GSAP: variants seen among roughly 807,000 people sequenced by gnomAD.
GSAP encodes gamma-secretase-activating protein.
A neutral mutation model predicts 131.7 loss-of-function variants in GSAP; 118 were observed. That is an observed-to-expected ratio of 0.90 (90% confidence interval 0.77 to 1.04). GSAP has a LOEUF of 1.04. Ranked by LOEUF, GSAP falls within the 50% of genes least tolerant of loss-of-function variation. The pLI is 0.00. For missense variants in GSAP, 1,019 were observed against 1,013.2 expected (o/e 1.01, Z -0.08); for synonymous variants, 381 against 363.4 (o/e 1.05, Z -0.55).
chr7:77,399,817 C>A (rs1168656935), intron 3 of GSAP, among the ~76,000 whole-genome samples: 1 of 152,062 alleles, frequency 6.6e-6, no homozygotes, highest in East Asian at 1.9e-4. Context: ...CTCTGAAATG[C>A]AGAGAGAAGG....
In GSAP at chr7:77,382,589, T is replaced by G; in HGVS notation, c.511A>C (p.Ile171Leu). The change falls in exon 7 of 31, where the codon ATT becomes CTT. Residue 171 changes from isoleucine (I) to leucine (L), a missense_variant. Ile to Leu is a conservative substitution (Grantham distance 5). Transcript: ENST00000257626. The part of the protein sequence containing the change: ...HPLPENHLLL[I>L]SEEKYIEQFR... ...ATACACTTACATTTCTCTTCTGAAA[T>G]CAGTAACAGATGGTTCTCTGGAAGA... The G allele has an allele frequency of 1.9e-6, 3 of 1,555,852 alleles. No individual in the cohort carries two copies. Among genetic ancestry groups the G allele is most frequent in the Non-Finnish European group, 2.7e-6 (3 of 1,127,084 alleles).
rs115985647 is a variant in GSAP, at chr7:77,394,813, T to C, written c.367+2169A>G. On this transcript the variant is annotated intron_variant, in intron 5 of 30. Coordinates refer to ENST00000257626, the MANE Select transcript of GSAP (RefSeq NM_017439.4). ...CATGCCCAACCATACTTCCAAGCTG[T>C]ACATGTGTAGGCAGTAAATAGATTT... Among the ~76,000 whole-genome samples, 1,462 of 152,318 alleles carry C rather than the reference T, an allele frequency of 9.6e-3. 31 individuals are homozygous for C. Among genetic ancestry groups the C allele is most frequent in the African/African-American group, 0.034 (1,409 of 41,554 alleles).
intron 2 of GSAP, 62 bp from the exon 3 acceptor site, chr7:77,404,677 G>T: frequency 1.1e-6 from 1 of 949,448 alleles, no homozygotes; most frequent in Non-Finnish European, 1.7e-6. Flanking sequence ...AATGTTACTA[G>T]TTTTAAAACC....
chr7:77,368,091 G>C (rs773947390), intron 12 of GSAP, among the ~76,000 whole-genome samples: 1 of 151,948 alleles, frequency 6.6e-6, no homozygotes, highest in Non-Finnish European at 1.5e-5. Flanking sequence ...ATCTTCTCTC[G>C]TCTTCTTAGT....
intron 2 of GSAP, 41 bp downstream of exon 2, chr7:77,405,988 A>C (rs910210900): frequency 1.4e-6 from 1 of 734,122 alleles, no homozygotes; most frequent in African/African-American, 1.9e-5. Context: ...AAAAACAGTA[A>C]ATTTTACATC....
At chr7:77,322,725 T>C (rs1328557508) in intron 24 of GSAP, among the ~76,000 whole-genome samples, 1 of 151,774 alleles carries the variant, frequency 6.6e-6, no homozygotes, top group East Asian at 1.9e-4. Flanking sequence ...TAAATATCAC[T>C]ACATGAGAAT....
chr7:77,326,930 T>C (rs79577583), intron 22 of GSAP: 1 of 152,194 alleles, frequency 6.6e-6, no homozygotes, highest in African/African-American at 2.4e-5. Flanking sequence ...TTCCATTCTT[T>C]TCTTCTTAAA....
intron 26 of GSAP, among the ~76,000 whole-genome samples, chr7:77,319,487 G>A (rs1384450523): frequency 6.6e-6 from 1 of 152,114 alleles, no homozygotes; most frequent in Non-Finnish European, 1.5e-5. Flanking sequence ...ACAGTATGGA[G>A]GTTCCTCAAA....
At chr7:77,373,159 G>A (rs1796386793) in intron 12 of GSAP, among the ~76,000 whole-genome samples, 1 of 152,142 alleles carries the variant, frequency 6.6e-6, no homozygotes, top group Non-Finnish European at 1.5e-5. Context: ...ACCTCCATAA[G>A]TTTTCATGAA....
intron 22 of GSAP, 38 bp downstream of exon 22, chr7:77,328,568 C>A (rs756072488): frequency 1.9e-6 from 3 of 1,599,428 alleles, no homozygotes; most frequent in South Asian, 1.1e-5. Flanking sequence ...AAAACACTGA[C>A]TGGAACCCAG....
Position 77,311,210 on chromosome 7 carries a change from G to A in GSAP, c.*148C>T, listed in dbSNP as rs1016413445. The A allele has an allele frequency of 1.1e-5, 7 of 612,554 alleles. No individual in the cohort carries two copies. The highest frequency in any genetic ancestry group is 5.5e-5 in the African/African-American group (3 of 54,272). 37.9% of individuals were successfully genotyped at this position (612,554 alleles called of 1,614,324 possible). A position where few individuals can be genotyped will look rare whatever the true frequency, so the allele number is the denominator to read the frequency against. ...TGTGATACAGCAGTTCTGTCTGAAC[G>A]TGTACCAACCTGAAACTCACATGGC... On this transcript the variant is annotated 3_prime_UTR_variant, in exon 31 of 31. Coordinates refer to ENST00000257626, the MANE Select transcript of GSAP (RefSeq NM_017439.4).
Position 77,353,044 on chromosome 7 carries a change from G to C in GSAP, c.1409-18C>G. ...TGAAGAAGCTGAGTAGATTTTTTTT[G>C]AAACAGGGGGAAAAAAGATGTGGTT... On this transcript the variant is annotated intron_variant, in intron 17 of 30. Coordinates refer to ENST00000257626, the MANE Select transcript of GSAP (RefSeq NM_017439.4). The C allele has an allele frequency of 7.5e-7, 1 of 1,341,534 alleles. No homozygotes were observed. The highest frequency in any genetic ancestry group is 1.1e-6 in the Non-Finnish European group (1 of 933,476). The allele number at this position is 1,341,534 out of a possible 1,614,324, so 83.1% of individuals were successfully genotyped here. A position where few individuals can be genotyped will look rare whatever the true frequency, so the allele number is the denominator to read the frequency against.
At chr7:77,383,622 T>C (rs1018009194) in intron 6 of GSAP, among the ~76,000 whole-genome samples, 1 of 152,162 alleles carries the variant, frequency 6.6e-6, no homozygotes, top group Non-Finnish European at 1.5e-5. Flanking sequence ...ATGTGTCTGT[T>C]TGCAGGACAA....
chr7:77,361,592 T>C lies in GSAP; in HGVS notation c.950-691A>G, dbSNP rs1326260268. Among the ~76,000 whole-genome samples, 3 of 152,192 alleles carry C rather than the reference T, an allele frequency of 2.0e-5. No individual in the cohort carries two copies. In the East Asian group the frequency reaches 5.8e-4, roughly 29 times the overall value. ...GAGGAGGTAATATCAGGTCCATCTATAGAATAAGCAGCTCTGGTGTGGCTT... is the reference window on the plus strand; with the variant it reads ...GAGGAGGTAATATCAGGTCCATCTACAGAATAAGCAGCTCTGGTGTGGCTT... On this transcript the variant is annotated intron_variant, in intron 13 of 30. Coordinates refer to ENST00000257626, the MANE Select transcript of GSAP (RefSeq NM_017439.4).
chr7:77,352,521 A>G (rs1793036956), intron 18 of GSAP, among the ~76,000 whole-genome samples: 1 of 152,260 alleles, frequency 6.6e-6, no homozygotes, highest in Non-Finnish European at 1.5e-5. Flanking sequence ...CTGAAGCTCT[A>G]GAGTTATTAC....
In GSAP at chr7:77,412,760, A is replaced by C. The variant is rs1169771561; in HGVS notation, c.109+3453T>G. 6.2e-5 allele frequency among the ~76,000 whole-genome samples: 9 copies of C among 145,460 alleles called. No individual in the cohort carries two copies. In the East Asian group the frequency reaches 1.8e-3, roughly 30 times the overall value. ...AACCTCGGAGCACAATGAAATAATT[A>C]ATCCTACCAGTTTGACAAAAAAAAA... On this transcript the variant is annotated intron_variant, in intron 1 of 30. Coordinates refer to ENST00000257626, the MANE Select transcript of GSAP (RefSeq NM_017439.4).
chr7:77,395,075 T>C (rs1283881332), intron 5 of GSAP, among the ~76,000 whole-genome samples: 1 of 152,242 alleles, frequency 6.6e-6, no homozygotes, highest in Non-Finnish European at 1.5e-5. Flanking sequence ...TGTAATCAGG[T>C]AAAATTTAAA....
At chr7:77,323,770 T>A (rs1482263451) in intron 23 of GSAP, 28 bp from the exon 24 acceptor site, 1 of 1,098,476 alleles carries the variant, frequency 9.1e-7, no homozygotes, top group Non-Finnish European at 1.4e-6. Flanking sequence ...ATTAAATAAG[T>A]CACAGCCTAC....
rs1226518647 is a variant in GSAP at position 77,387,467 on chromosome 7, T to A, written c.368-19A>T. 3 of 1,339,712 alleles carry A rather than the reference T, an allele frequency of 2.2e-6. No homozygotes were observed. The East Asian group carries it at 6.9e-5, about 31-fold the overall frequency. The allele number at this position is 1,339,712 out of a possible 1,614,324, so 83.0% of individuals were successfully genotyped here. Reference sequence around the variant, plus strand: ...TTTGATCCTACAGAGAAAAGAAGGCTTTTAGTAACGAAGATTGTAATATCA... The same window carrying A: ...TTTGATCCTACAGAGAAAAGAAGGCATTTAGTAACGAAGATTGTAATATCA... On this transcript the variant is annotated intron_variant, in intron 5 of 30. Coordinates refer to ENST00000257626, the MANE Select transcript of GSAP (RefSeq NM_017439.4).
Sources: allele counts gnomAD v4.1 joint callset (sites outside exome capture counted in the v4.1 genomes callset), GRCh38; gene constraint gnomAD v4.1.1; transcripts MANE v1.5; gene names NCBI Gene and HGNC (gene_info 2026-07-23, HGNC 2026-07-21).